MRPL13: variants seen among roughly 807,000 people sequenced by gnomAD.
MRPL13 encodes the protein mitochondrial ribosomal protein L13, also known as large ribosomal subunit protein uL13m.
MRPL13 carries 33 observed loss-of-function variants against 29.0 expected under a neutral mutation model. The ratio of observed to expected loss-of-function variants is 1.14; its 90% CI spans 0.86 to 1.52. The LOEUF (loss-of-function observed/expected upper bound fraction) is 1.52, where lower values mean the gene tolerates loss of function less well. Ranked by LOEUF, MRPL13 falls within the 40% of genes most tolerant of loss-of-function variation. MRPL13 has a pLI of 0.00. For missense variants in MRPL13, 227 were observed against 216.7 expected (o/e 1.05, Z -0.30); for synonymous variants, 77 against 68.4 (o/e 1.13, Z -0.62).
chr8:120,444,135 A>G (rs1448484717), intron 1 of MRPL13, among the ~76,000 whole-genome samples: 1 of 152,172 alleles, frequency 6.6e-6, no homozygotes, highest in Non-Finnish European at 1.5e-5. Flanking sequence ...GTAGACTAAT[A>G]GTTTGATACT....
chr8:120,398,160 C>T (rs1693457555), intron 6 of MRPL13, among the ~76,000 whole-genome samples: 1 of 152,196 alleles, frequency 6.6e-6, no homozygotes, highest in African/African-American at 2.4e-5. Flanking sequence ...CTGCTTTAAG[C>T]AGGTCCCTGA....
Position 120,432,011 on chromosome 8 carries a change from G to A in MRPL13, c.245+19C>T. 1 of 1,512,172 alleles carries A rather than the reference G, an allele frequency of 6.6e-7. No homozygotes were observed. The highest frequency in any genetic ancestry group is 1.4e-5 in the African/African-American group (1 of 70,764). 93.7% of individuals were successfully genotyped at this position (1,512,172 alleles called of 1,614,324 possible). ...TATATTTTAACTACCTAATTTCCCT[G>A]ACAACAGCATTATCTTACCCAGTAT... On this transcript the variant is annotated intron_variant, in intron 3 of 6. Coordinates refer to ENST00000306185, the MANE Select transcript of MRPL13 (RefSeq NM_014078.6).
At chr8:120,439,779 T>C (rs1480378945) in intron 2 of MRPL13, among the ~76,000 whole-genome samples, 2 of 152,158 alleles carry the variant, frequency 1.3e-5, no homozygotes, top group African/African-American at 2.4e-5. Flanking sequence ...GAAATTTTCA[T>C]TAGGTAGAGA....
At chr8:120,417,911 C>G (rs1812823171) in intron 5 of MRPL13, among the ~76,000 whole-genome samples, 1 of 152,010 alleles carries the variant, frequency 6.6e-6, no homozygotes, top group Non-Finnish European at 1.5e-5. Flanking sequence ...GTGCTCACTT[C>G]TACTGTTGCT....
chr8:120,432,112 C>A lies in MRPL13; in HGVS notation c.163G>T (p.Asp55Tyr), dbSNP rs1813003687. ...PVYHALSDCG[D>Y]HVVIMNTRHI... is the part of the protein sequence containing the mutation. ...CTTGTGTTCATTATAACAACATGAT[C>A]CCCACAGTCACCTACATTTTAAAAA... Residue 55 changes from aspartate to tyrosine, a missense_variant, in exon 3 of 7, where the codon GAT becomes TAT. By Grantham distance (160) the Asp-to-Tyr change is radical. Coordinates refer to ENST00000306185, the MANE Select transcript of MRPL13 (RefSeq NM_014078.6). 1 of 1,591,826 alleles carries A rather than the reference C, an allele frequency of 6.3e-7. No individual in the cohort carries two copies. The highest frequency in any genetic ancestry group is 8.5e-7 in the Non-Finnish European group (1 of 1,171,084).
chr8:120,434,385 C>T (rs1813029769), intron 2 of MRPL13, among the ~76,000 whole-genome samples: 1 of 152,092 alleles, frequency 6.6e-6, no homozygotes, highest in East Asian at 1.9e-4. Context: ...CTAACGTACT[C>T]CCTCTGCCTG....
chr8:120,441,003 A>ATGTGTG (rs575565862), intron 2 of MRPL13, among the ~76,000 whole-genome samples: 4 of 150,060 alleles, frequency 2.7e-5, no homozygotes, highest in African/African-American at 9.8e-5. Flanking sequence ...ATTTTTAAAT[A>ATGTGTG]TGTGTGTGTG....
intron 2 of MRPL13, among the ~76,000 whole-genome samples, chr8:120,433,266 A>G (rs1813016796): frequency 1.3e-5 from 2 of 152,100 alleles, no homozygotes; most frequent in Admixed American, 6.6e-5. Flanking sequence ...GCAGAACAGC[A>G]AATAAAGAAG....
chr8:120,400,656 C>T, intron 6 of MRPL13, among the ~76,000 whole-genome samples: 1 of 148,378 alleles, frequency 6.7e-6, no homozygotes, highest in African/African-American at 2.5e-5. Context: ...AAGAAAAATC[C>T]TTCAAAAAAA....
intron 5 of MRPL13, among the ~76,000 whole-genome samples, chr8:120,416,495 A>G (rs2130464564): frequency 6.6e-6 from 1 of 152,114 alleles, no homozygotes; most frequent in African/African-American, 2.4e-5. Context: ...CTCCGTCTCA[A>G]AATAAATAAA....
rs958043166 is a variant in MRPL13 at position 120,396,025 on chromosome 8, C to G, written c.*79G>C. 4 of 1,255,598 alleles carry G rather than the reference C, an allele frequency of 3.2e-6. No homozygotes were observed. The highest frequency in any genetic ancestry group is 4.5e-6 in the Non-Finnish European group (4 of 883,838). The allele number at this position is 1,255,598 out of a possible 1,614,324, so 77.8% of individuals were successfully genotyped here. A position where few individuals can be genotyped will look rare whatever the true frequency, so the allele number is the denominator to read the frequency against. On this transcript the variant is annotated 3_prime_UTR_variant, in exon 7 of 7. Coordinates refer to ENST00000306185, the MANE Select transcript of MRPL13 (RefSeq NM_014078.6). Reference sequence around the variant, plus strand: ...GTGCTGAACTGTAGCAGTTGTTTTACTCCATCCTGTAGGTTAGAGAAACTC... The same window carrying G: ...GTGCTGAACTGTAGCAGTTGTTTTAGTCCATCCTGTAGGTTAGAGAAACTC...
chr8:120,429,340 C>A (rs1341428592), intron 3 of MRPL13, among the ~76,000 whole-genome samples: 1 of 151,702 alleles, frequency 6.6e-6, no homozygotes, highest in Admixed American at 6.6e-5. Context: ...CACACTGAGG[C>A]CTATTGGAGG....
chr8:120,433,907 TA>T (rs1813023785), intron 2 of MRPL13, among the ~76,000 whole-genome samples: 1 of 152,080 alleles, frequency 6.6e-6, no homozygotes, highest in Non-Finnish European at 1.5e-5. Context: ...GTACCAAATG[TA>T]AATAAATCAT....
intron 6 of MRPL13, 129 bp from the exon 7 acceptor site, chr8:120,396,254 A>G (rs1256330870): frequency 3.0e-6 from 2 of 677,400 alleles, no homozygotes; most frequent in Non-Finnish European, 4.9e-6. Context: ...CACTATATCT[A>G]AATTTTTGGT....
intron 1 of MRPL13, chr8:120,444,864 T>G: frequency 7.4e-6 from 3 of 406,166 alleles, no homozygotes; most frequent in East Asian, 5.7e-5. Flanking sequence ...AAAGGGCAGA[T>G]TGAAAAGAAG....
chr8:120,416,749 T>C (rs1812808424), intron 5 of MRPL13, among the ~76,000 whole-genome samples: 1 of 152,230 alleles, frequency 6.6e-6, no homozygotes, highest in Non-Finnish European at 1.5e-5. Context: ...GGTCTGTCTA[T>C]ATACAAACAC....
At chr8:120,432,383 A>C (rs565520667) in intron 2 of MRPL13, among the ~76,000 whole-genome samples, 2 of 152,216 alleles carry the variant, frequency 1.3e-5, no homozygotes, top group African/African-American at 4.8e-5. Context: ...GCCAATAACA[A>C]CAATACATCT....
chr8:120,434,479 G>A (rs1235215580), intron 2 of MRPL13, among the ~76,000 whole-genome samples: 1 of 152,028 alleles, frequency 6.6e-6, no homozygotes, highest in African/African-American at 2.4e-5. Flanking sequence ...GCTAATAAGT[G>A]GTAAAGTTAA....
chr8:120,414,796 A>C (rs373994725), intron 5 of MRPL13: 12 of 152,182 alleles, frequency 7.9e-5, no homozygotes, highest in African/African-American at 2.4e-4. Flanking sequence ...CTCTAGACTC[A>C]AATCATGATA....
Sources: allele counts gnomAD v4.1 joint callset (sites outside exome capture counted in the v4.1 genomes callset), GRCh38; gene constraint gnomAD v4.1.1; transcripts MANE v1.5; gene names NCBI Gene and HGNC (gene_info 2026-07-23, HGNC 2026-07-21).